Variants in ZFAND3 observed in about 807,000 individuals in gnomAD.
ZFAND3 encodes zinc finger AN1-type containing 3.
A neutral mutation model predicts 29.6 loss-of-function variants in ZFAND3; 10 were observed. That is an observed-to-expected ratio of 0.34 (90% confidence interval 0.21 to 0.57). The LOEUF is 0.57. Ranked by LOEUF, ZFAND3 falls within the 20% of genes least tolerant of loss-of-function variation. The pLI, the probability that ZFAND3 is intolerant of heterozygous loss-of-function variation, is 0.86. For synonymous variants in ZFAND3, 128 were observed against 112.6 expected, an observed-to-expected ratio of 1.14 and a Z score of -0.87; for missense variants, 230 against 304.5, an observed-to-expected ratio of 0.76 and a Z score of 1.82.
intron 3 of ZFAND3, among the ~76,000 whole-genome samples, chr6:38,063,960 A>C (rs1764292793): frequency 6.6e-6 from 1 of 152,200 alleles, no homozygotes; most frequent in Non-Finnish European, 1.5e-5. Context: ...GGAGAAAAAA[A>C]AAAACGGTGA....
chr6:37,829,618 T>G (rs1213669873), intron 1 of ZFAND3, among the ~76,000 whole-genome samples: 2 of 152,232 alleles, frequency 1.3e-5, no homozygotes, highest in Non-Finnish European at 2.9e-5. Context: ...GTAGAAACTT[T>G]TAATTTTTTT....
At chr6:38,101,612 A>G (rs901648426) in intron 4 of ZFAND3, among the ~76,000 whole-genome samples, 3 of 151,926 alleles carry the variant, frequency 2.0e-5, no homozygotes, top group Admixed American at 2.0e-4. Flanking sequence ...CATCTCTACT[A>G]AAAATACAAA....
chr6:37,905,539 A>G (rs1046916040), intron 1 of ZFAND3, among the ~76,000 whole-genome samples: 1 of 152,106 alleles, frequency 6.6e-6, no homozygotes, highest in Non-Finnish European at 1.5e-5. Context: ...CATACTAAAG[A>G]TCTTTTAGGA....
chr6:37,868,033 C>A (rs765608803), intron 1 of ZFAND3, among the ~76,000 whole-genome samples: 33 of 152,042 alleles, frequency 2.2e-4, no homozygotes, highest in Non-Finnish European at 4.4e-4. Context: ...ATGTTGACAC[C>A]TGCTACTTGA....
At chr6:38,106,411 A>G (rs1414163775) in intron 4 of ZFAND3, among the ~76,000 whole-genome samples, 1 of 152,172 alleles carries the variant, frequency 6.6e-6, no homozygotes, top group Non-Finnish European at 1.5e-5. Context: ...CGGCCTCCCA[A>G]AGTGCCGGGA....
At chr6:38,001,859 A>G (rs1040194711) in intron 2 of ZFAND3, among the ~76,000 whole-genome samples, 3 of 152,234 alleles carry the variant, frequency 2.0e-5, no homozygotes, top group Non-Finnish European at 2.9e-5. Context: ...GTTGCACACA[A>G]GAGAATTGAG....
At chr6:37,936,719 C>T (rs1190618211) in intron 2 of ZFAND3, among the ~76,000 whole-genome samples, 2 of 152,110 alleles carry the variant, frequency 1.3e-5, no homozygotes, top group Non-Finnish European at 2.9e-5. Context: ...TTAATTTTGT[C>T]TGTGTTTTCA....
intron 1 of ZFAND3, among the ~76,000 whole-genome samples, chr6:37,914,173 G>A (rs1761188404): frequency 6.6e-6 from 1 of 152,170 alleles, no homozygotes; most frequent in South Asian, 2.1e-4. Context: ...ACTCTTGGGT[G>A]ACCAGGTGTG....
intron 5 of ZFAND3, among the ~76,000 whole-genome samples, chr6:38,120,115 T>C (rs1765500872): frequency 6.6e-6 from 1 of 152,140 alleles, no homozygotes; most frequent in Non-Finnish European, 1.5e-5. Flanking sequence ...AACAGTTGCC[T>C]GAAAATGGAT....
chr6:37,880,506 C>G (rs1410007340), intron 1 of ZFAND3, among the ~76,000 whole-genome samples: 1 of 152,030 alleles, frequency 6.6e-6, no homozygotes, highest in Non-Finnish European at 1.5e-5. Context: ...ATCTGAAGAT[C>G]AAGTTGGAAA....
At chr6:37,999,215 A>G (rs1343690532) in intron 2 of ZFAND3, among the ~76,000 whole-genome samples, 1 of 152,228 alleles carries the variant, frequency 6.6e-6, no homozygotes, top group Non-Finnish European at 1.5e-5. Context: ...TATTTGAACA[A>G]CAAAATAAAA....
At position 38,154,019 on chromosome 6, in the gene ZFAND3, C is replaced by T; in HGVS notation, c.*1630C>T. ...AATAGGAAGTCATGCTCTTCCCACC[C>T]TCCACCCACCAGAGTGGAACCCGCT... On this transcript the variant is annotated 3_prime_UTR_variant, in exon 6 of 6. Transcript: ENST00000287218. 14 of 985,524 alleles carry T rather than the reference C, an allele frequency of 1.4e-5. No individual in the cohort carries two copies. The highest frequency in any genetic ancestry group is 1.7e-5 in the Non-Finnish European group (14 of 829,948). 61.0% of individuals were successfully genotyped at this position (985,524 alleles called of 1,614,324 possible).
intron 1 of ZFAND3, among the ~76,000 whole-genome samples, chr6:37,889,167 C>T (rs1765050488): frequency 6.6e-6 from 1 of 152,178 alleles, no homozygotes; most frequent in Non-Finnish European, 1.5e-5. Context: ...TGAGCATGCC[C>T]TCCTCAAATG....
intron 2 of ZFAND3, among the ~76,000 whole-genome samples, chr6:37,974,797 A>G (rs558343122): frequency 6.9e-4 from 105 of 152,180 alleles, no homozygotes; most frequent in Non-Finnish European, 1.3e-3. Context: ...TTTGCTAAGT[A>G]GTATTCCATT....
rs546177432 is a variant in ZFAND3 at position 37,975,951 on chromosome 6, T to C, written c.112+45952T>C. Among the ~76,000 whole-genome samples, 8 of 152,312 alleles carry C rather than the reference T, an allele frequency of 5.3e-5. No individual in the cohort carries two copies. In the South Asian group the frequency reaches 1.2e-3, roughly 24 times the overall value. Reference sequence around the variant, plus strand: ...GATTTGTGGTTGGGATTGCTGTGAATGTGTAGATTAACGGGAAAATTTACA... The same window carrying C: ...GATTTGTGGTTGGGATTGCTGTGAACGTGTAGATTAACGGGAAAATTTACA... On this transcript the variant is annotated intron_variant, in intron 2 of 5. Transcript: ENST00000287218.
At chr6:38,144,180 A>T (rs1401686136) in intron 5 of ZFAND3, among the ~76,000 whole-genome samples, 1 of 18,990 alleles carries the variant, frequency 5.3e-5, no homozygotes, top group Non-Finnish European at 9.6e-5. Flanking sequence ...TGATATATAT[A>T]TATAATATAT....
chr6:37,871,761 T>G (rs955894071), intron 1 of ZFAND3, among the ~76,000 whole-genome samples: 6 of 152,222 alleles, frequency 3.9e-5, no homozygotes, highest in African/African-American at 1.4e-4. Context: ...TCCTGTTTCT[T>G]TAAATGTCTA....
intron 1 of ZFAND3, among the ~76,000 whole-genome samples, chr6:37,821,191 G>A (rs954366392): frequency 6.6e-6 from 1 of 152,228 alleles, no homozygotes; most frequent in Non-Finnish European, 1.5e-5. Context: ...AATTTTGGGA[G>A]TGCAGAGAAA....
chr6:37,963,360 A>G (rs1762233564), intron 2 of ZFAND3, among the ~76,000 whole-genome samples: 1 of 152,218 alleles, frequency 6.6e-6, no homozygotes, highest in Non-Finnish European at 1.5e-5. Context: ...ACTAGGAGGG[A>G]AGTTCATAGC....
Sources: allele counts gnomAD v4.1 joint callset (sites outside exome capture counted in the v4.1 genomes callset), GRCh38; gene constraint gnomAD v4.1.1; transcripts MANE v1.5; gene names NCBI Gene and HGNC (gene_info 2026-07-23, HGNC 2026-07-21).